Variants in CDH4 observed in about 807,000 individuals in gnomAD.
CDH4 encodes cadherin-4.
CDH4 carries 33 observed loss-of-function variants against 86.0 expected under a neutral mutation model. The observed-to-expected ratio is 0.38, with a 90% CI of 0.29 to 0.51. The LOEUF (loss-of-function observed/expected upper bound fraction) is 0.51. Among genes scored for constraint, CDH4 ranks in the 20% least tolerant of loss-of-function variants. The probability of loss-of-function intolerance (pLI) is 0.86; values close to 1 mark genes in which losing one functional copy is unlikely to be tolerated. For missense variants in CDH4, 1,114 were observed against 1,307.4 expected (o/e 0.85, Z 2.28); for synonymous variants, 555 against 549.4 (o/e 1.01, Z -0.14).
At chr20:61,431,914 C>A (rs773199828) in intron 2 of CDH4, among the ~76,000 whole-genome samples, 3 of 152,096 alleles carry the variant, frequency 2.0e-5, no homozygotes, top group Non-Finnish European at 4.4e-5. Context: ...TTTGTGCCGG[C>A]TTCTTGCACC....
At chr20:61,730,208 CGTGGGTTTGGACAAATGCATG>C (rs1012137598) in intron 2 of CDH4, among the ~76,000 whole-genome samples, 32 of 152,078 alleles carry the variant, frequency 2.1e-4, no homozygotes, top group Non-Finnish European at 4.1e-4. Context: ...GTGGCGGATT[CGTGGGTTTGGACAAATGCATG>C]GTGGGTTTGG....
chr20:61,732,596 G>A (rs113539838), intron 2 of CDH4, among the ~76,000 whole-genome samples: 123 of 152,246 alleles, frequency 8.1e-4, no homozygotes, highest in African/African-American at 2.8e-3. Context: ...CTTCATTCAG[G>A]TTGGCCTATT....
intron 2 of CDH4, among the ~76,000 whole-genome samples, chr20:61,706,522 C>T (rs183988804): frequency 6.6e-6 from 1 of 152,114 alleles, no homozygotes; most frequent in African/African-American, 2.4e-5. Flanking sequence ...TTAGCTACGA[C>T]GAAGACTCCG....
intron 2 of CDH4, among the ~76,000 whole-genome samples, chr20:61,632,070 C>A (rs1013007892): frequency 6.6e-6 from 1 of 152,264 alleles, no homozygotes; most frequent in African/African-American, 2.4e-5. Flanking sequence ...ATCCGGGATG[C>A]GCTGGCACAC....
At chr20:61,575,123 A>T (rs1225562139) in intron 2 of CDH4, among the ~76,000 whole-genome samples, 3 of 152,186 alleles carry the variant, frequency 2.0e-5, no homozygotes, top group Non-Finnish European at 4.4e-5. Context: ...AAAAAAGCTA[A>T]GTGCCAGAGA....
Position 61,862,720 on chromosome 20 carries a change from G to A in CDH4, c.877+9822G>A, listed in dbSNP as rs149224442. On this transcript the variant is annotated intron_variant, in intron 6 of 15. Transcript: ENST00000614565. Reference sequence around the variant, plus strand: ...AAAGTGCCCAGGGAAAGACACCTCCGTATTGATGATTTTTTAACTAAAAAG... The same window carrying A: ...AAAGTGCCCAGGGAAAGACACCTCCATATTGATGATTTTTTAACTAAAAAG... Among the ~76,000 whole-genome samples, 88 of 152,292 alleles carry A rather than the reference G, an allele frequency of 5.8e-4. 1 individual carries two copies. In the East Asian group the frequency reaches 0.01, roughly 18 times the overall value.
chr20:61,817,354 T>A (rs1409861159), intron 4 of CDH4, among the ~76,000 whole-genome samples: 1 of 152,132 alleles, frequency 6.6e-6, no homozygotes, highest in Non-Finnish European at 1.5e-5. Flanking sequence ...CTCTGCCTGG[T>A]TGCTCTCTGG....
At chr20:61,700,034 G>A (rs981786257) in intron 2 of CDH4, among the ~76,000 whole-genome samples, 4 of 152,288 alleles carry the variant, frequency 2.6e-5, no homozygotes, top group South Asian at 2.1e-4. Context: ...CCGTGCAGGC[G>A]TGCACTCGGA....
chr20:61,317,716 C>A (rs2084484424), intron 2 of CDH4, among the ~76,000 whole-genome samples: 1 of 152,170 alleles, frequency 6.6e-6, no homozygotes, highest in East Asian at 1.9e-4. Flanking sequence ...TGCCCAGTGT[C>A]CCCTGGGAGC....
rs1013047276 is a variant in CDH4 at position 61,417,521 on chromosome 20, G to C, written c.169+162584G>C. Among the ~76,000 whole-genome samples, 7 of 152,188 alleles carry C rather than the reference G, an allele frequency of 4.6e-5. No individual in the cohort carries two copies. Among genetic ancestry groups the C allele is most frequent in the African/African-American group, 1.7e-4 (7 of 41,450 alleles). The stretch of plus-strand genomic sequence containing the variant: ...TTGGGAGTTGGGAATCGGGCCATCG[G>C]AACATCTCCCCTTCTGGGTTGATTA... On this transcript the variant is annotated intron_variant, in intron 2 of 15. Coordinates refer to ENST00000614565, the MANE Select transcript of CDH4 (RefSeq NM_001794.5). The surrounding 1 kb of genome is among the most constrained non-coding windows in gnomAD (Gnocchi z 4.0).
intron 2 of CDH4, among the ~76,000 whole-genome samples, chr20:61,562,754 T>A (rs1235641294): frequency 6.6e-6 from 1 of 152,266 alleles, no homozygotes; most frequent in African/African-American, 2.4e-5. Flanking sequence ...AATTAAGGGC[T>A]TTTAAGCTTT....
chr20:61,748,194 G>T (rs868182364), intron 3 of CDH4, among the ~76,000 whole-genome samples: 1 of 152,254 alleles, frequency 6.6e-6, no homozygotes, highest in East Asian at 1.9e-4. Flanking sequence ...GTGCAGTGGC[G>T]CAATCTCAGC....
At chr20:61,476,887 G>A (rs1005821964) in intron 2 of CDH4, among the ~76,000 whole-genome samples, 1 of 152,198 alleles carries the variant, frequency 6.6e-6, no homozygotes, top group African/African-American at 2.4e-5. Flanking sequence ...CCAGTCAGGT[G>A]GACAGGATCA....
intron 2 of CDH4, among the ~76,000 whole-genome samples, chr20:61,410,960 C>T (rs1342593841): frequency 2.0e-5 from 3 of 152,066 alleles, no homozygotes; most frequent in African/African-American, 7.2e-5. Context: ...ACACATCCAT[C>T]CATTCATCCA....
chr20:61,375,090 C>G (rs2084859480), intron 2 of CDH4, among the ~76,000 whole-genome samples: 1 of 152,200 alleles, frequency 6.6e-6, no homozygotes. Context: ...CTCCCTAAAA[C>G]CTATAAAACC....
intron 2 of CDH4, among the ~76,000 whole-genome samples, chr20:61,655,804 C>T (rs752051210): frequency 3.9e-5 from 6 of 152,204 alleles, no homozygotes; most frequent in Admixed American, 2.6e-4. Context: ...CCAGGTTGTC[C>T]CATCACCTGC....
At chr20:61,919,923 C>CAT (rs2054949818) in intron 9 of CDH4, among the ~76,000 whole-genome samples, 6 of 4,596 alleles carry the variant, frequency 1.3e-3, no homozygotes, top group South Asian at 6.5e-3. Context: ...TATGTGGAAG[C>CAT]GTGGTGTCAC....
At chr20:61,661,090 G>A (rs113303686) in intron 2 of CDH4, among the ~76,000 whole-genome samples, 3 of 141,630 alleles carry the variant, frequency 2.1e-5, no homozygotes, top group African/African-American at 2.6e-5. Flanking sequence ...ATGGCGGGGG[G>A]GGGGGAGACA....
intron 2 of CDH4, among the ~76,000 whole-genome samples, chr20:61,640,476 T>C (rs2086994633): frequency 6.6e-6 from 1 of 151,978 alleles, no homozygotes; most frequent in African/African-American, 2.4e-5. Context: ...CCGGGGCCTA[T>C]GAGGGGGCTG....
Sources: allele counts gnomAD v4.1 joint callset (sites outside exome capture counted in the v4.1 genomes callset), GRCh38; gene constraint gnomAD v4.1.1; non-coding constraint Gnocchi (gnomAD v3.1); transcripts MANE v1.5; gene names NCBI Gene and HGNC (gene_info 2026-07-23, HGNC 2026-07-21).